CD72: variants seen among roughly 807,000 people sequenced by gnomAD.
The protein encoded by CD72 is CD72 molecule.
In CD72, 28 loss-of-function variants were observed where a neutral mutation model predicts 50.7. That is an observed-to-expected ratio of 0.55 (90% CI 0.41 to 0.76). CD72 has a LOEUF of 0.76. Ranked by LOEUF, CD72 falls within the 30% of genes least tolerant of loss-of-function variation. The pLI is 0.00. For synonymous variants in CD72, 176 were observed against 171.2 expected, an observed-to-expected ratio of 1.03 and a Z score of -0.22; for missense variants, 403 against 420.6, an observed-to-expected ratio of 0.96 and a Z score of 0.37.
At chr9:35,617,299 TCTC>T (rs1823081319) in intron 2 of CD72, 52 bp from the exon 3 acceptor site, 8 of 1,499,738 alleles carry the variant, frequency 5.3e-6, no homozygotes, top group South Asian at 1.3e-5. Context: ...TGTTGCCCCT[TCTC>T]CTCCTGCGCA....
chr9:35,637,523 G>A (rs1437987480), intron 1 of CD72, among the ~76,000 whole-genome samples: 1 of 152,092 alleles, frequency 6.6e-6, no homozygotes, highest in East Asian at 1.9e-4. Context: ...AGCCTCTCTT[G>A]CTACCCTTCA....
At chr9:35,625,793 C>T (rs1823190467) in intron 1 of CD72, among the ~76,000 whole-genome samples, 1 of 152,182 alleles carries the variant, frequency 6.6e-6, no homozygotes, top group Non-Finnish European at 1.5e-5. Flanking sequence ...GTAAATCTAT[C>T]CTTCCCGTGC....
At chr9:35,640,807 G>A (rs1823333523) in intron 1 of CD72, among the ~76,000 whole-genome samples, 1 of 152,260 alleles carries the variant, frequency 6.6e-6, no homozygotes, top group Non-Finnish European at 1.5e-5. Context: ...AAAGGGAGGG[G>A]ACCCAAAGGG....
chr9:35,621,322 G>C (rs182467897), upstream of CD72, among the ~76,000 whole-genome samples: 61 of 152,260 alleles, frequency 4.0e-4, no homozygotes, highest in African/African-American at 1.4e-3. Context: ...AGAGGAGGGG[G>C]CCCAACCATG....
chr9:35,618,422 G>A, upstream of CD72: 1 of 1,548,646 alleles, frequency 6.5e-7, no homozygotes, highest in Non-Finnish European at 8.7e-7. Flanking sequence ...GCACGGCTTA[G>A]CAATTGGCCC....
intron 2 of CD72, 27 bp from the exon 3 acceptor site, chr9:35,617,274 A>T (rs1387531446): frequency 2.6e-6 from 4 of 1,528,156 alleles, no homozygotes; most frequent in African/African-American, 1.4e-5. Flanking sequence ...CCAGTGTGAG[A>T]CCGGAAGCCC....
chr9:35,618,940 C>T (rs981511256), upstream of CD72: 1 of 356,606 alleles, frequency 2.8e-6, no homozygotes. Flanking sequence ...CACTGCCCCC[C>T]ATGCACCCTC....
intron 1 of CD72, among the ~76,000 whole-genome samples, chr9:35,632,439 G>A (rs1439622422): frequency 6.6e-6 from 1 of 151,938 alleles, no homozygotes; most frequent in Non-Finnish European, 1.5e-5. Flanking sequence ...CAAAGTGCTG[G>A]GATTACAGGC....
At chr9:35,623,846 G>A (rs1034266752), upstream of CD72, among the ~76,000 whole-genome samples, 3 of 152,078 alleles carry the variant, frequency 2.0e-5, no homozygotes, top group South Asian at 2.1e-4. Context: ...CCCAGGAGGC[G>A]GAGCTTGCAG....
chr9:35,621,991 T>A (rs918639764), upstream of CD72, among the ~76,000 whole-genome samples: 24 of 152,330 alleles, frequency 1.6e-4, no homozygotes, highest in East Asian at 4.6e-3. Flanking sequence ...ACCAAGTGTG[T>A]AATTTATTAG....
chr9:35,611,774 G>T, intron 7 of CD72, 30 bp downstream of exon 7: 2 of 1,210,692 alleles, frequency 1.7e-6, no homozygotes, highest in Non-Finnish European at 2.5e-6. Context: ...TTATGGAGTT[G>T]AAAATACCCA....
chr9:35,618,021 G>C lies in CD72; in HGVS notation c.183C>G (p.Asp61Glu), dbSNP rs781487424. Residue 61 changes from aspartate to glutamate, a missense_variant, in exon 2 of 9, where the codon GAC becomes GAG. Asp to Glu is a conservative substitution (Grantham distance 45). Transcript: ENST00000259633. The part of the protein sequence containing the change: ...PSSLASSVLG[D>E]KAAVKSEQPT... ...CCCCCAGGCTCTCCAGACCTGCTTT[G>C]TCCCCTAGTACAGAAGAAGCCAAGC... The C allele has an allele frequency of 2.5e-6, 4 of 1,602,874 alleles. No homozygotes were observed. The highest frequency in any genetic ancestry group is 1.7e-5 in the Admixed American group (1 of 59,990).
At chr9:35,622,444 A>C (rs1333690592), upstream of CD72, among the ~76,000 whole-genome samples, 1 of 152,228 alleles carries the variant, frequency 6.6e-6, no homozygotes. Context: ...CTCAAGATTC[A>C]AGCCTTGCAA....
chr9:35,620,504 T>C (rs916084827), upstream of CD72, among the ~76,000 whole-genome samples: 44 of 150,828 alleles, frequency 2.9e-4, no homozygotes, highest in African/African-American at 9.7e-4. Context: ...TACATGGGCT[T>C]GCTGCCTAAC....
At chr9:35,624,131 G>C (rs1030687851), upstream of CD72, among the ~76,000 whole-genome samples, 1 of 151,256 alleles carries the variant, frequency 6.6e-6, no homozygotes, top group Non-Finnish European at 1.5e-5. Context: ...AGAATCACTT[G>C]AACCTGGGAG....
Position 35,618,389 on chromosome 9 carries a change from G to C in CD72, c.-86C>G. ...TCTCGTCTCTGTCCGTTTACAACTA[G>C]GCTCTGTGTTCCCTCTGTGACTGCA... On this transcript the variant is annotated 5_prime_UTR_variant, in exon 1 of 9. Transcript: ENST00000259633. The C allele has an allele frequency of 6.3e-7, 1 of 1,588,990 alleles. No individual in the cohort carries two copies. The highest frequency in any genetic ancestry group is 8.6e-7 in the Non-Finnish European group (1 of 1,167,778).
rs1284019203 is a variant in CD72 at position 35,618,234 on chromosome 9, G to C, written c.70C>G (p.Arg24Gly). ...TCATCCCCCTTACCCTGTCCTAACC[G>C]GCTGGAGATGCTCTTCTTCAGGGGA... ...KAPLKKSISS[R>G]LGQDPGADDD... The change falls in exon 1 of 9, where the codon CGG becomes GGG. Residue 24 changes from arginine (R) to glycine (G), a missense_variant. Transcript: ENST00000259633. 1 of 1,614,096 alleles carries C rather than the reference G, an allele frequency of 6.2e-7. No individual in the cohort carries two copies. Among genetic ancestry groups the C allele is most frequent in the Non-Finnish European group, 8.5e-7 (1 of 1,179,966 alleles).
chr9:35,639,468 G>A (rs1376134904), intron 1 of CD72, among the ~76,000 whole-genome samples: 3 of 152,152 alleles, frequency 2.0e-5, no homozygotes, highest in African/African-American at 7.2e-5. Flanking sequence ...TAAAATGAAA[G>A]GAAAAGTAGA....
chr9:35,632,972 C>G (rs1294048569), intron 1 of CD72, among the ~76,000 whole-genome samples: 1 of 149,766 alleles, frequency 6.7e-6, no homozygotes, highest in East Asian at 2.0e-4. Context: ...GCTCTGTTGC[C>G]CTGGCTGGAG....
Sources: allele counts gnomAD v4.1 joint callset (sites outside exome capture counted in the v4.1 genomes callset), GRCh38; gene constraint gnomAD v4.1.1; transcripts MANE v1.5; gene names NCBI Gene and HGNC (gene_info 2026-07-23, HGNC 2026-07-21).